XXYLT1: variants seen among roughly 807,000 people sequenced by gnomAD.
The protein encoded by XXYLT1 is xyloside xylosyltransferase 1, also known as UDP-xylose:alpha-xyloside alpha-1,3-xylosyltransferase.
A neutral mutation model predicts 28.9 loss-of-function variants in XXYLT1; 20 were observed. The ratio of observed to expected loss-of-function variants is 0.69; its 90% CI spans 0.49 to 1.00. XXYLT1 has a LOEUF of 1.00. Ranked by LOEUF, XXYLT1 falls within the 50% of genes least tolerant of loss-of-function variation. The pLI, the probability that XXYLT1 is intolerant of heterozygous loss-of-function variation, is 0.00. For synonymous variants in XXYLT1, 257 were observed against 253.8 expected (o/e 1.01, Z -0.12); for missense variants, 542 against 560.1 (o/e 0.97, Z 0.33).
At chr3:195,105,412 A>G (rs1342374078) in intron 3 of XXYLT1, among the ~76,000 whole-genome samples, 2 of 152,058 alleles carry the variant, frequency 1.3e-5, no homozygotes, top group East Asian at 3.9e-4. Flanking sequence ...GATATTCACC[A>G]AAGTTTAAGA....
Position 195,270,735 on chromosome 3 carries a change from C to T in XXYLT1, c.324G>A (p.Ala108=), listed in dbSNP as rs1396762781. The change falls in exon 1 of 4, where the codon GCG becomes GCA. Residue 108 remains alanine (A), a synonymous_variant. Coordinates refer to ENST00000310380, the MANE Select transcript of XXYLT1 (RefSeq NM_152531.5). ...DYHLLMMFTK[A]EHNAALQAKA... The stretch of plus-strand genomic sequence containing the variant: ...TGGCCTGCAGCGCGGCATTGTGCTC[C>T]GCCTTGGTGAACATCATCAGCAGGT... 3 of 1,589,684 alleles carry T rather than the reference C, an allele frequency of 1.9e-6. No homozygotes were observed. The highest frequency in any genetic ancestry group is 2.3e-5 in the South Asian group (2 of 88,378).
chr3:195,085,586 C>CT (rs1412289264), intron 3 of XXYLT1, among the ~76,000 whole-genome samples: 3 of 152,212 alleles, frequency 2.0e-5, no homozygotes, highest in Non-Finnish European at 4.4e-5. Context: ...CCTGTGCTCC[C>CT]TCACAGCTCC....
intron 2 of XXYLT1, among the ~76,000 whole-genome samples, chr3:195,171,376 A>G (rs1721397440): frequency 6.6e-6 from 1 of 152,208 alleles, no homozygotes; most frequent in Admixed American, 6.5e-5. Flanking sequence ...TGAGTCAGTC[A>G]GTGCTATTTT....
chr3:195,115,160 G>A lies in XXYLT1; in HGVS notation c.785+41289C>T, dbSNP rs1304514483. ...GGACGTGAATCAGGTGCTGCGACTC[G>A]GGAACTAGTGTGCTCACATGAGACG... On this transcript the variant is annotated intron_variant, in intron 3 of 3. Transcript: ENST00000310380. The surrounding 1 kb of genome is among the most constrained non-coding windows in gnomAD (Gnocchi z 4.2). Among the ~76,000 whole-genome samples, 1 of 152,178 alleles carries A rather than the reference G, an allele frequency of 6.6e-6. No individual in the cohort carries two copies. The highest frequency in any genetic ancestry group is 1.5e-5 in the Non-Finnish European group (1 of 68,024).
chr3:195,100,504 G>A (rs1716717215), intron 3 of XXYLT1, among the ~76,000 whole-genome samples: 1 of 152,010 alleles, frequency 6.6e-6, no homozygotes, highest in Admixed American at 6.5e-5. Context: ...AGTGCCTATA[G>A]AATTAACGTC....
chr3:195,200,600 A>C (rs1722810799), intron 2 of XXYLT1, among the ~76,000 whole-genome samples: 1 of 152,202 alleles, frequency 6.6e-6, no homozygotes, highest in African/African-American at 2.4e-5. Context: ...TCACTGACCT[A>C]CAATCGGTTG....
At chr3:195,106,806 G>A (rs1259618649) in intron 3 of XXYLT1, among the ~76,000 whole-genome samples, 2 of 152,158 alleles carry the variant, frequency 1.3e-5, no homozygotes, top group Non-Finnish European at 2.9e-5. Context: ...TCTGGCTTCC[G>A]TCCTAAGACC....
chr3:195,206,280 G>A (rs1057070780), intron 2 of XXYLT1, among the ~76,000 whole-genome samples: 6 of 151,732 alleles, frequency 4.0e-5, no homozygotes, highest in African/African-American at 1.2e-4. Flanking sequence ...GAAGTGCTAC[G>A]ATTACAGGCG....
chr3:195,215,863 A>G (rs1488777402), intron 2 of XXYLT1, among the ~76,000 whole-genome samples: 1 of 152,198 alleles, frequency 6.6e-6, no homozygotes, highest in Admixed American at 6.5e-5. Flanking sequence ...AATCAACAGA[A>G]TATACATTTT....
At position 195,150,489 on chromosome 3, in the gene XXYLT1, CAAAT is replaced by C. The variant is rs1369550588; in HGVS notation, c.785+5956_785+5959del. Among the ~76,000 whole-genome samples, 5 of 152,168 alleles carry C rather than the reference CAAAT, an allele frequency of 3.3e-5. No individual in the cohort carries two copies. Among genetic ancestry groups the C allele is most frequent in the African/African-American group, 1.2e-4 (5 of 41,422 alleles). ...CCCGAGGCTGGCACAGCACCATCAGCAAATAAAACCATGTGACTTAAAAAGGTGA... is the reference window on the plus strand; with the variant it reads ...CCCGAGGCTGGCACAGCACCATCAGCAAAACCATGTGACTTAAAAAGGTGA... On this transcript the variant is annotated intron_variant, in intron 3 of 3. Transcript: ENST00000310380. This position sits in a 1 kb window ranked among gnomAD's most constrained non-coding sequence, Gnocchi z 4.7.
At chr3:195,228,147 C>G (rs1724135576) in intron 1 of XXYLT1, among the ~76,000 whole-genome samples, 1 of 152,204 alleles carries the variant, frequency 6.6e-6, no homozygotes, top group African/African-American at 2.4e-5. Flanking sequence ...ACAGGACAAG[C>G]CTGCCACACT....
At chr3:195,242,601 G>A (rs1724826084) in intron 1 of XXYLT1, among the ~76,000 whole-genome samples, 3 of 152,302 alleles carry the variant, frequency 2.0e-5, no homozygotes, top group Middle Eastern at 3.4e-3. Flanking sequence ...GGAACAAGGA[G>A]AAACAAAGTG....
At chr3:195,211,809 C>T (rs1449844014) in intron 2 of XXYLT1, among the ~76,000 whole-genome samples, 19 of 151,742 alleles carry the variant, frequency 1.3e-4, no homozygotes, top group Admixed American at 1.2e-3. Flanking sequence ...AGGGGGCAAG[C>T]CACGGAATGC....
At chr3:195,096,812 A>G (rs1716472963) in intron 3 of XXYLT1, among the ~76,000 whole-genome samples, 1 of 152,242 alleles carries the variant, frequency 6.6e-6, no homozygotes, top group Non-Finnish European at 1.5e-5. Flanking sequence ...GGTTTAAAAA[A>G]ATGAGAATCT....
intron 2 of XXYLT1, among the ~76,000 whole-genome samples, chr3:195,225,535 G>A (rs369567353): frequency 6.6e-6 from 1 of 152,178 alleles, no homozygotes; most frequent in African/African-American, 2.4e-5. Flanking sequence ...GACCTGCCTG[G>A]TCTGGAAACT....
chr3:195,162,261 T>TG, intron 2 of XXYLT1, among the ~76,000 whole-genome samples: 1 of 152,328 alleles, frequency 6.6e-6, no homozygotes, highest in South Asian at 2.1e-4. Context: ...TCCGGGCTCC[T>TG]GGGCAGCCAG....
chr3:195,082,580 C>G (rs868011578), intron 3 of XXYLT1, among the ~76,000 whole-genome samples: 2 of 152,192 alleles, frequency 1.3e-5, no homozygotes, highest in Non-Finnish European at 2.9e-5. Context: ...CGGCTGGGCA[C>G]GGTGGCTCAC....
chr3:195,129,516 C>T lies in XXYLT1; in HGVS notation c.785+26933G>A, dbSNP rs1261249271. 2.0e-5 allele frequency among the ~76,000 whole-genome samples: 3 copies of T among 152,188 alleles called. No homozygotes were observed. The highest frequency in any genetic ancestry group is 4.1e-4 in the South Asian group (2 of 4,832). Reference sequence around the variant, plus strand: ...TCTTCTGTGACGGGCTTCTTTCACTCGTCTTAATGCTTTCAAGGTGCATCG... The same window carrying T: ...TCTTCTGTGACGGGCTTCTTTCACTTGTCTTAATGCTTTCAAGGTGCATCG... On this transcript the variant is annotated intron_variant, in intron 3 of 3. Transcript: ENST00000310380. The surrounding 1 kb of genome is among the most constrained non-coding windows in gnomAD (Gnocchi z 4.4).
chr3:195,088,338 G>C (rs900626035), intron 3 of XXYLT1, among the ~76,000 whole-genome samples: 1 of 148,990 alleles, frequency 6.7e-6, no homozygotes, highest in Non-Finnish European at 1.5e-5. Context: ...CTGGAGATCT[G>C]AGAACGGGCA....
Sources: allele counts gnomAD v4.1 joint callset (sites outside exome capture counted in the v4.1 genomes callset), GRCh38; gene constraint gnomAD v4.1.1; non-coding constraint Gnocchi (gnomAD v3.1); transcripts MANE v1.5; gene names NCBI Gene and HGNC (gene_info 2026-07-23, HGNC 2026-07-21).